Variants in LIPA observed in about 807,000 individuals in gnomAD.
LIPA encodes the protein lipase A, lysosomal acid type.
A neutral mutation model predicts 40.6 loss-of-function variants in LIPA; 26 were observed. The ratio of observed to expected loss-of-function variants is 0.64; its 90% CI spans 0.47 to 0.89. The LOEUF (loss-of-function observed/expected upper bound fraction) is 0.89. Ranked by LOEUF, LIPA falls within the 40% of genes least tolerant of loss-of-function variation. The pLI, the probability that LIPA is intolerant of heterozygous loss-of-function variation, is 0.00. For missense variants in LIPA, 455 were observed against 479.6 expected, an observed-to-expected ratio of 0.95 and a Z score of 0.48; for synonymous variants, 188 against 168.4, an observed-to-expected ratio of 1.12 and a Z score of -0.90.
chr10:89,401,500 G>A (rs567993034), intron 2 of LIPA, among the ~76,000 whole-genome samples: 1 of 152,290 alleles, frequency 6.6e-6, no homozygotes, highest in Non-Finnish European at 1.5e-5. Flanking sequence ...GAGTACAGGT[G>A]AGGAGGTGAC....
chr10:89,270,861 A>G lies in LIPA; in HGVS notation c.-1-23212T>C, dbSNP rs192228308. On this transcript the variant is annotated intron_variant, in intron 1 of 5. Transcript: ENST00000282673. ...ACCCTTAGGATCTTGGAGCACAGCT[A>G]TGTCATCCCCTGCAGATAACTATTC... Among the ~76,000 whole-genome samples the G allele has an allele frequency of 7.9e-5, 12 of 152,356 alleles. No homozygotes were observed. The South Asian group carries it at 1.7e-3, about 21-fold the overall frequency.
upstream of LIPA, among the ~76,000 whole-genome samples, chr10:89,254,707 CTTTTATG>C (rs1202463059): frequency 6.6e-6 from 1 of 152,144 alleles, no homozygotes; most frequent in Admixed American, 6.5e-5. Flanking sequence ...ATTTTCTGAA[CTTTTATG>C]TTTTGTTTCC....
At chr10:89,238,725 T>C (rs566827168) in intron 3 of LIPA, among the ~76,000 whole-genome samples, 2 of 152,334 alleles carry the variant, frequency 1.3e-5, no homozygotes, top group East Asian at 3.9e-4. Context: ...TCCTTATGAT[T>C]TCCTTATAAC....
At chr10:89,394,598 A>AT (rs375192355) in intron 2 of LIPA, among the ~76,000 whole-genome samples, 3 of 22,486 alleles carry the variant, frequency 1.3e-4, no homozygotes, top group South Asian at 7.4e-4. Flanking sequence ...ATATATATAT[A>AT]TATATATATA....
At chr10:89,284,561 A>T (rs1264088595) in intron 1 of LIPA, 1 of 152,238 alleles carries the variant, frequency 6.6e-6, no homozygotes, top group Non-Finnish European at 1.5e-5. Flanking sequence ...AGAATCATGA[A>T]AGATTTTTCT....
intron 1 of LIPA, chr10:89,306,090 AGAAT>A (rs777431904): frequency 2.5e-6 from 4 of 1,614,162 alleles, no homozygotes; most frequent in Non-Finnish European, 1.7e-6. Flanking sequence ...ACTGAGTTTC[AGAAT>A]CGTGAATTCA....
At chr10:89,341,764 G>C (rs1216188957) in intron 1 of LIPA, among the ~76,000 whole-genome samples, 5 of 152,106 alleles carry the variant, frequency 3.3e-5, no homozygotes, top group African/African-American at 1.2e-4. Context: ...GTTGCCCTCT[G>C]GTATTCACAG....
At chr10:89,340,324 C>CTTTTTTAAT in intron 1 of LIPA, 1 of 477,514 alleles carries the variant, frequency 2.1e-6, no homozygotes, top group Non-Finnish European at 3.7e-6. Flanking sequence ...TTTGGGAGGC[C>CTTTTTTAAT]GAGGTGGGCG....
chr10:89,404,190 G>C (rs1844492408), intron 2 of LIPA: 1 of 152,504 alleles, frequency 6.6e-6, no homozygotes, highest in Non-Finnish European at 1.5e-5. Context: ...GAGTTAAACA[G>C]AAACCCATGG....
intron 2 of LIPA, among the ~76,000 whole-genome samples, chr10:89,387,470 C>T (rs1002985975): frequency 4.0e-5 from 6 of 151,600 alleles, no homozygotes; most frequent in African/African-American, 7.3e-5. Context: ...TATGGGCCAG[C>T]GAAGAAGAGA....
intron 2 of LIPA, among the ~76,000 whole-genome samples, chr10:89,391,720 G>A (rs559302919): frequency 1.3e-5 from 2 of 152,010 alleles, no homozygotes; most frequent in Non-Finnish European, 2.9e-5. Flanking sequence ...AGTAGAGAGG[G>A]GGTTTCACCA....
intron 1 of LIPA, chr10:89,332,618 C>A (rs756847003): frequency 6.2e-7 from 1 of 1,613,984 alleles, no homozygotes; most frequent in Non-Finnish European, 8.5e-7. Flanking sequence ...AGGGAAACAG[C>A]CATCATGAGG....
At chr10:89,388,445 G>A (rs562323824) in intron 2 of LIPA, among the ~76,000 whole-genome samples, 1 of 152,206 alleles carries the variant, frequency 6.6e-6, no homozygotes, top group African/African-American at 2.4e-5. Context: ...CATTCTGGAG[G>A]TGTTTTGTTA....
intron 1 of LIPA, chr10:89,338,823 G>C: frequency 1.2e-6 from 2 of 1,614,150 alleles, no homozygotes. Flanking sequence ...TGTACAACTT[G>C]TTGGCCTACA....
chr10:89,299,422 T>G (rs1448894054), intron 1 of LIPA, among the ~76,000 whole-genome samples: 2 of 152,154 alleles, frequency 1.3e-5, no homozygotes, highest in African/African-American at 4.8e-5. Flanking sequence ...TGAAAGGGTT[T>G]GAAAACCTAT....
intron 2 of LIPA, among the ~76,000 whole-genome samples, chr10:89,398,478 C>A (rs1311614068): frequency 6.6e-6 from 1 of 152,214 alleles, no homozygotes; most frequent in African/African-American, 2.4e-5. Context: ...GCTGCTCTTA[C>A]ATTGCATACC....
At chr10:89,262,033 C>CT (rs1391130511) in intron 1 of LIPA, among the ~76,000 whole-genome samples, 1 of 152,168 alleles carries the variant, frequency 6.6e-6, no homozygotes, top group African/African-American at 2.4e-5. Flanking sequence ...TTTCCCAGGT[C>CT]TTTCCTTACT....
At chr10:89,396,132 G>A (rs1844339277) in intron 2 of LIPA, among the ~76,000 whole-genome samples, 2 of 152,160 alleles carry the variant, frequency 1.3e-5, no homozygotes, top group African/African-American at 4.8e-5. Flanking sequence ...ACCCAGGAAT[G>A]TGTCATATGG....
At chr10:89,227,064 A>G in intron 4 of LIPA, 60 bp from the exon 5 acceptor site, 2 of 1,024,478 alleles carry the variant, frequency 2.0e-6, no homozygotes, top group East Asian at 2.4e-5. Flanking sequence ...GCACACACAT[A>G]CTGAGTATGC....
Sources: gnomAD v4.1 joint callset for allele counts (sites outside exome capture counted in the v4.1 genomes callset) on GRCh38, gnomAD v4.1.1 for gene constraint, MANE v1.5 for transcripts, NCBI Gene and HGNC (gene_info 2026-07-23, HGNC 2026-07-21) for gene names.